Variants in RBFOX1 observed in about 807,000 individuals in gnomAD.
RBFOX1 encodes RNA binding fox-1 homolog 1.
RBFOX1 carries 8 observed loss-of-function variants against 57.7 expected under a neutral mutation model. The ratio of observed to expected loss-of-function variants is 0.14; its 90% CI spans 0.08 to 0.25. The LOEUF (loss-of-function observed/expected upper bound fraction) is 0.25, where lower values mean the gene tolerates loss of function less well. Ranked by LOEUF, RBFOX1 falls within the 10% of genes least tolerant of loss-of-function variation. The pLI is 1.00. For missense variants in RBFOX1, 611 were observed against 548.5 expected (o/e 1.11, Z -1.14); for synonymous variants, 326 against 222.4 (o/e 1.47, Z -4.15).
chr16:6,756,927 A>G (rs1034703804), intron 3 of RBFOX1, among the ~76,000 whole-genome samples: 1 of 152,054 alleles, frequency 6.6e-6, no homozygotes, highest in African/African-American at 2.4e-5. Flanking sequence ...GTGAGCTGAG[A>G]TCGTGCCATT....
At position 7,371,921 on chromosome 16, in the gene RBFOX1, A is replaced by G. The variant is rs77963230; in HGVS notation, c.28-146226A>G. Among the ~76,000 whole-genome samples, 1,315 of 151,914 alleles carry G rather than the reference A, an allele frequency of 8.7e-3. 19 individuals carry two copies. The highest frequency in any genetic ancestry group is 0.03 in the African/African-American group (1,244 of 41,544). ...ATGGAGCCTCCTTCAGTTTTTCTACACTAGGTGGCTGTGACATACCTTATT... is the reference window on the plus strand; with the variant it reads ...ATGGAGCCTCCTTCAGTTTTTCTACGCTAGGTGGCTGTGACATACCTTATT... On this transcript the variant is annotated intron_variant, in intron 4 of 15. Transcript: ENST00000550418.
At chr16:6,385,776 A>C (rs549101434) in intron 2 of RBFOX1, among the ~76,000 whole-genome samples, 4 of 152,006 alleles carry the variant, frequency 2.6e-5, no homozygotes, top group Non-Finnish European at 5.9e-5. Context: ...ATTTAGCAAA[A>C]AGCTAAGCAA....
intron 2 of RBFOX1, among the ~76,000 whole-genome samples, chr16:6,412,427 C>A (rs762664881): frequency 7.2e-5 from 11 of 152,082 alleles, no homozygotes; most frequent in Non-Finnish European, 1.6e-4. Flanking sequence ...ATAGAGGATG[C>A]CTGTTTGTTC....
intron 4 of RBFOX1, among the ~76,000 whole-genome samples, chr16:7,376,937 C>T (rs771415165): frequency 3.3e-5 from 5 of 152,186 alleles, no homozygotes; most frequent in Non-Finnish European, 5.9e-5. Context: ...GAATGACTGG[C>T]CTCATACAAG....
chr16:7,649,790 A>T (rs2064566200), intron 11 of RBFOX1, among the ~76,000 whole-genome samples: 1 of 152,226 alleles, frequency 6.6e-6, no homozygotes, highest in Non-Finnish European at 1.5e-5. Context: ...GCTTGCATGC[A>T]CGCACCAGTA....
chr16:7,425,455 G>T (rs1316551657), intron 4 of RBFOX1, among the ~76,000 whole-genome samples: 1 of 152,128 alleles, frequency 6.6e-6, no homozygotes, highest in Non-Finnish European at 1.5e-5. Context: ...AATTTCAAAG[G>T]ATGGAAACCC....
At chr16:7,013,243 C>T (rs1246863470) in intron 3 of RBFOX1, among the ~76,000 whole-genome samples, 3 of 152,090 alleles carry the variant, frequency 2.0e-5, no homozygotes, top group African/African-American at 4.8e-5. Context: ...TGAAAAAATG[C>T]TTGTAGTCCC....
chr16:5,263,058 CAA>C (rs1403677849), intron 1 of RBFOX1, among the ~76,000 whole-genome samples: 3 of 150,478 alleles, frequency 2.0e-5, no homozygotes, highest in Non-Finnish European at 3.0e-5. Flanking sequence ...GTTTTGCTAA[CAA>C]TGGCAGGGTG....
chr16:5,950,207 G>A (rs540463255), intron 4 of RBFOX1, among the ~76,000 whole-genome samples: 3 of 152,118 alleles, frequency 2.0e-5, no homozygotes, highest in Non-Finnish European at 2.9e-5. Context: ...AAAATGACAC[G>A]GACTTTCAAG....
intron 3 of RBFOX1, among the ~76,000 whole-genome samples, chr16:5,627,882 C>A (rs992125751): frequency 1.3e-5 from 2 of 152,152 alleles, no homozygotes; most frequent in South Asian, 4.1e-4. Context: ...ATTTTAGTAT[C>A]CACAAGGGGG....
At chr16:7,082,218 A>G (rs1433167347) in intron 4 of RBFOX1, among the ~76,000 whole-genome samples, 2 of 152,146 alleles carry the variant, frequency 1.3e-5, no homozygotes, top group Non-Finnish European at 2.9e-5. Context: ...TTCAGGATGA[A>G]TCTACCTTCT....
intron 11 of RBFOX1, among the ~76,000 whole-genome samples, chr16:7,649,011 A>C (rs1264743185): frequency 6.6e-6 from 1 of 152,194 alleles, no homozygotes; most frequent in Admixed American, 6.5e-5. Flanking sequence ...GTTACAGGAA[A>C]AGGGTTCCTA....
At chr16:6,094,348 C>T (rs550574622) in intron 1 of RBFOX1, among the ~76,000 whole-genome samples, 4 of 152,196 alleles carry the variant, frequency 2.6e-5, no homozygotes, top group African/African-American at 9.6e-5. Flanking sequence ...CTTTTGAACC[C>T]CAGGTGGCAC....
At chr16:6,923,077 C>T (rs74008449) in intron 3 of RBFOX1, among the ~76,000 whole-genome samples, 2,693 of 152,228 alleles carry the variant, frequency 0.018, 76 homozygotes, top group African/African-American at 0.06. Flanking sequence ...TGTTATTACC[C>T]CTAAGCCCAG....
At chr16:6,897,854 TATC>T (rs2067340276) in intron 3 of RBFOX1, among the ~76,000 whole-genome samples, 1 of 152,152 alleles carries the variant, frequency 6.6e-6, no homozygotes, top group Admixed American at 6.5e-5. Context: ...TTTCTGAGCT[TATC>T]ATCCATCTGT....
chr16:7,050,767 C>G (rs1221647726), intron 3 of RBFOX1, among the ~76,000 whole-genome samples: 1 of 151,848 alleles, frequency 6.6e-6, no homozygotes, highest in Non-Finnish European at 1.5e-5. Context: ...TTTAATTTTT[C>G]CATTATCACA....
chr16:7,220,785 A>G (rs1237853316), intron 4 of RBFOX1, among the ~76,000 whole-genome samples: 1 of 152,154 alleles, frequency 6.6e-6, no homozygotes, highest in Non-Finnish European at 1.5e-5. Flanking sequence ...CTGGCCGTAC[A>G]ATCAGCATTT....
chr16:5,863,198 C>G (rs1474977212), intron 3 of RBFOX1, among the ~76,000 whole-genome samples: 2 of 152,174 alleles, frequency 1.3e-5, no homozygotes, highest in Non-Finnish European at 2.9e-5. Context: ...TAATGTCGGC[C>G]TTTGCGATTT....
intron 3 of RBFOX1, among the ~76,000 whole-genome samples, chr16:5,715,158 C>G (rs1048122694): frequency 6.6e-6 from 1 of 152,210 alleles, no homozygotes; most frequent in Admixed American, 6.5e-5. Flanking sequence ...TTAACACTAA[C>G]CATTAGATTA....
Sources: allele counts gnomAD v4.1 joint callset (sites outside exome capture counted in the v4.1 genomes callset), GRCh38; gene constraint gnomAD v4.1.1; transcripts MANE v1.5; gene names NCBI Gene and HGNC (gene_info 2026-07-23, HGNC 2026-07-21).